The following DNAH12 variants were observed in gnomAD, a reference collection of about 807,000 sequenced individuals.
The protein encoded by DNAH12 is axonemal beta dynein heavy chain 12.
In DNAH12, 285 loss-of-function variants were observed where a neutral mutation model predicts 371.5. The observed-to-expected ratio is 0.77, with a 90% CI of 0.70 to 0.85. The LOEUF (loss-of-function observed/expected upper bound fraction) is 0.85, where lower values mean the gene tolerates loss of function less well. DNAH12 is among the 40% of genes least tolerant of loss of function. The pLI is 0.00. For synonymous variants in DNAH12, 1,200 were observed against 1,213.0 expected, an observed-to-expected ratio of 0.99 and a Z score of 0.22; for missense variants, 3,611 against 3,689.4, an observed-to-expected ratio of 0.98 and a Z score of 0.55.
At chr3:57,388,892 C>A (rs1219993426) in intron 45 of DNAH12, among the ~76,000 whole-genome samples, 1 of 118,792 alleles carries the variant, frequency 8.4e-6, no homozygotes, top group Non-Finnish European at 1.6e-5. Context: ...CGTCACACAC[C>A]AGGGCCTGTC....
At chr3:57,334,703 A>G (rs2062183438) in intron 61 of DNAH12, 79 bp downstream of exon 61, 7 of 1,505,724 alleles carry the variant, frequency 4.6e-6, no homozygotes, top group Non-Finnish European at 6.2e-6. Context: ...GCTATTTAAA[A>G]CCATTTAAAA....
At chr3:57,328,264 A>G (rs1245247087) in intron 62 of DNAH12, among the ~76,000 whole-genome samples, 1 of 151,900 alleles carries the variant, frequency 6.6e-6, no homozygotes, top group East Asian at 1.9e-4. Flanking sequence ...ACCAAAAAAG[A>G]GAATTTAGAC....
chr3:57,352,550 G>A (rs767287620), intron 59 of DNAH12, among the ~76,000 whole-genome samples: 3 of 151,890 alleles, frequency 2.0e-5, no homozygotes, highest in Non-Finnish European at 2.9e-5. Context: ...TTAAAATGTA[G>A]GGTATAATTC....
intron 9 of DNAH12, 71 bp from the exon 10 acceptor site, chr3:57,502,550 C>A (rs2067590044): frequency 1.1e-5 from 11 of 959,708 alleles, no homozygotes; most frequent in Non-Finnish European, 1.4e-5. Flanking sequence ...ATATGTAGAT[C>A]TTTTTTTTTT....
At position 57,529,124 on chromosome 3, in the gene DNAH12, G is replaced by A. The variant is rs369167242; in HGVS notation, c.171-5240C>T. 3.0e-4 allele frequency among the ~76,000 whole-genome samples: 45 copies of A among 152,188 alleles called. 4 individuals carry two copies. Among genetic ancestry groups the A allele is most frequent in the Middle Eastern group, 6.8e-3 (2 of 294 alleles). ...CGATGAATGACCTTTTTAATGTGTC[G>A]TTGAATTTGTTTTGCTAGTATTTTG... On this transcript the variant is annotated intron_variant, in intron 2 of 73. Coordinates refer to ENST00000495027, the MANE Select transcript of DNAH12 (RefSeq NM_001366028.2).
At chr3:57,376,317 T>C (rs1485877033) in intron 53 of DNAH12, among the ~76,000 whole-genome samples, 2 of 152,120 alleles carry the variant, frequency 1.3e-5, no homozygotes, top group African/African-American at 4.8e-5. Context: ...TTAGTATTTA[T>C]TGTTAGACTG....
intron 2 of DNAH12, 75 bp downstream of exon 2, chr3:57,542,626 C>T (rs2069338851): frequency 6.8e-7 from 1 of 1,464,598 alleles, no homozygotes; most frequent in African/African-American, 1.4e-5. Context: ...ACAGTTAAAA[C>T]TTTTTAGGAG....
intron 60 of DNAH12, among the ~76,000 whole-genome samples, chr3:57,337,702 C>T (rs1415733383): frequency 6.6e-6 from 1 of 151,984 alleles, no homozygotes; most frequent in Non-Finnish European, 1.5e-5. Flanking sequence ...ATGCATCCAA[C>T]ACCAGAGCAC....
Position 57,351,994 on chromosome 3 carries a change from T to C in DNAH12, c.9674+91A>G, listed in dbSNP as rs139923142. 3.1e-4 allele frequency: 407 copies of C among 1,308,812 alleles called. 1 individual carries two copies. The African/African-American group carries it at 5.3e-3, about 17-fold the overall frequency. The allele number at this position is 1,308,812 out of a possible 1,614,324, so 81.1% of individuals were successfully genotyped here. On this transcript the variant is annotated intron_variant, in intron 60 of 73. Coordinates refer to ENST00000495027, the MANE Select transcript of DNAH12 (RefSeq NM_001366028.2). Reference sequence around the variant, plus strand: ...AAATCATGACTTAAGCGAAGAAAAATATAGACTTCTGTGAGAAGACATATT... The same window carrying C: ...AAATCATGACTTAAGCGAAGAAAAACATAGACTTCTGTGAGAAGACATATT...
At chr3:57,322,536 A>C in intron 64 of DNAH12, 53 bp from the exon 65 acceptor site, 2 of 1,515,002 alleles carry the variant, frequency 1.3e-6, no homozygotes, top group Non-Finnish European at 1.8e-6. Flanking sequence ...GGAGGCTCTA[A>C]AAGTGCATAT....
chr3:57,480,942 G>C (rs2066720948), intron 13 of DNAH12, among the ~76,000 whole-genome samples: 1 of 152,148 alleles, frequency 6.6e-6, no homozygotes, highest in Non-Finnish European at 1.5e-5. Flanking sequence ...AGCTATCTAT[G>C]ACAAACCCAC....
At chr3:57,402,420 C>T in intron 43 of DNAH12, 1 of 1,304,898 alleles carries the variant, frequency 7.7e-7, no homozygotes, top group Non-Finnish European at 1.0e-6. Context: ...ACCGGGACAG[C>T]AATAAAGCTC....
At position 57,425,087 on chromosome 3, in the gene DNAH12, C is replaced by T. The variant is rs186328215; in HGVS notation, c.5308G>A (p.Glu1770Lys). 85 of 702,776 alleles carry T rather than the reference C, an allele frequency of 1.2e-4. No homozygotes were observed. Among genetic ancestry groups the T allele is most frequent in the African/African-American group, 1.1e-3 (65 of 57,348 alleles). 43.5% of individuals were successfully genotyped at this position (702,776 alleles called of 1,614,324 possible). A position where few individuals can be genotyped will look rare whatever the true frequency, so the allele number is the denominator to read the frequency against. The part of the protein sequence containing the change: ...NVVVSLTRLF[E>K]VLLCNVVEND... The stretch of plus-strand genomic sequence containing the variant: ...TCTACCACATTGCAAAGTAGCACTT[C>T]AAAGAGGCGTGTGAGAGATACAACC... The change falls in exon 35 of 74, where the codon GAA becomes AAA. Residue 1770 changes from glutamate (E) to lysine (K), a missense_variant. Glu to Lys is a moderately conservative substitution (Grantham distance 56). Coordinates refer to ENST00000495027, the MANE Select transcript of DNAH12 (RefSeq NM_001366028.2).
intron 69 of DNAH12, among the ~76,000 whole-genome samples, chr3:57,304,452 C>CTA (rs2061428214): frequency 1.3e-5 from 2 of 152,112 alleles, no homozygotes; most frequent in South Asian, 4.1e-4. Context: ...ACCTCTCTTA[C>CTA]TATCCCTCAA....
chr3:57,453,041 C>T, intron 24 of DNAH12, 26 bp from the exon 25 acceptor site: 1 of 1,520,294 alleles, frequency 6.6e-7, no homozygotes, highest in Non-Finnish European at 8.8e-7. Flanking sequence ...TAAAATAAGA[C>T]ACATGATCCT....
intron 43 of DNAH12, among the ~76,000 whole-genome samples, chr3:57,402,771 T>C (rs4681979): frequency 0.23 from 34,522 of 152,100 alleles, 4,563 homozygotes; most frequent in South Asian, 0.43. Flanking sequence ...AATAGTACAA[T>C]AGCGCAACTA....
rs774550878 is a variant in DNAH12 at position 57,542,832 on chromosome 3, C to G, written c.39G>C (p.Lys13Asn). The G allele has an allele frequency of 1.9e-6, 3 of 1,602,508 alleles. No individual in the cohort carries two copies. Among genetic ancestry groups the G allele is most frequent in the Non-Finnish European group, 2.5e-6 (3 of 1,176,806 alleles). Reference protein sequence around the residue: ...DANKAAIAAEKEALNLKLPPI... With the variant: ...DANKAAIAAENEALNLKLPPI... ...GGGGTAACTTCAAGTTCAGAGCTTC[C>G]TTTTCTGCTGCAATGGCAGCTTTGT... The change falls in exon 2 of 74, where the codon AAG becomes AAC. Residue 13 changes from lysine (K) to asparagine (N), a missense_variant. Around this residue, in one of 3 missense-constraint regions of DNAH12, gnomAD observed 1,314 missense variants for 1,398.7 expected, o/e 0.94. Transcript: ENST00000495027.
intron 43 of DNAH12, among the ~76,000 whole-genome samples, chr3:57,394,997 C>A (rs994297448): frequency 0.54 from 82,300 of 151,692 alleles, 22,499 homozygotes; most frequent in East Asian, 0.62. Flanking sequence ...TAAAACATAG[C>A]CAGGATTTAA....
At chr3:57,435,589 T>G (rs777656124) in intron 30 of DNAH12, among the ~76,000 whole-genome samples, 26 of 152,098 alleles carry the variant, frequency 1.7e-4, no homozygotes, top group Non-Finnish European at 3.1e-4. Context: ...AAAAGCTGAT[T>G]GTTTTTGAGG....
Sources: allele counts gnomAD v4.1 joint callset (sites outside exome capture counted in the v4.1 genomes callset), GRCh38; gene constraint gnomAD v4.1.1; regional missense constraint gnomAD v4.1.1; transcripts MANE v1.5; gene names NCBI Gene and HGNC (gene_info 2026-07-23, HGNC 2026-07-21).